SUCLG2: variants seen among roughly 807,000 people sequenced by gnomAD.
SUCLG2 encodes succinate-CoA ligase GDP-forming subunit beta, also known as succinate--CoA ligase [GDP-forming] subunit beta, mitochondrial.
SUCLG2 carries 42 observed loss-of-function variants against 47.9 expected under a neutral mutation model. That is an observed-to-expected ratio of 0.88 (90% CI 0.69 to 1.14). The LOEUF (loss-of-function observed/expected upper bound fraction) is 1.14. Among genes scored for constraint, SUCLG2 ranks in the 50% most tolerant of loss-of-function variants. SUCLG2 has a pLI of 0.00. For missense variants in SUCLG2, 571 were observed against 525.9 expected (o/e 1.09, Z -0.84); for synonymous variants, 195 against 197.3 (o/e 0.99, Z 0.10).
intron 2 of SUCLG2, among the ~76,000 whole-genome samples, chr3:67,594,213 G>A (rs1254215526): frequency 6.6e-6 from 1 of 152,162 alleles, no homozygotes; most frequent in Non-Finnish European, 1.5e-5. Context: ...GCGTTGTTGA[G>A]GCAATACCTA....
chr3:67,433,380 A>G lies in SUCLG2; in HGVS notation c.1063-32529T>C, dbSNP rs144597820. On this transcript the variant is annotated intron_variant, in intron 9 of 10. Coordinates refer to ENST00000307227, the MANE Select transcript of SUCLG2 (RefSeq NM_003848.4). ...AGTTGTGACCTCATCTGTGCTTGCA[A>G]TTGGCTGAAAGGAACCAATTTTATT... Among the ~76,000 whole-genome samples the G allele has an allele frequency of 7.5e-3, 1,147 of 152,194 alleles. 15 individuals are homozygous for G. The highest frequency in any genetic ancestry group is 0.026 in the African/African-American group (1,099 of 41,526).
chr3:67,443,132 T>G (rs1703813659), intron 9 of SUCLG2, among the ~76,000 whole-genome samples: 1 of 152,168 alleles, frequency 6.6e-6, no homozygotes, highest in African/African-American at 2.4e-5. Flanking sequence ...AATCTGGAGA[T>G]GACTTAAACT....
At chr3:67,610,902 C>G (rs1193537374) in intron 1 of SUCLG2, among the ~76,000 whole-genome samples, 1 of 152,112 alleles carries the variant, frequency 6.6e-6, no homozygotes, top group Admixed American at 6.6e-5. Context: ...AAGCTCTATA[C>G]CCCCACTACT....
At chr3:67,441,887 T>C (rs1020422600) in intron 9 of SUCLG2, among the ~76,000 whole-genome samples, 2 of 152,184 alleles carry the variant, frequency 1.3e-5, no homozygotes, top group Non-Finnish European at 2.9e-5. Flanking sequence ...TCCCAAATCT[T>C]ACAGAAAACA....
chr3:67,460,187 G>C (rs985578493), intron 9 of SUCLG2, among the ~76,000 whole-genome samples: 1 of 152,150 alleles, frequency 6.6e-6, no homozygotes, highest in Non-Finnish European at 1.5e-5. Context: ...AATCACTACT[G>C]ATTGAAGTCT....
intron 7 of SUCLG2, among the ~76,000 whole-genome samples, chr3:67,503,697 C>T (rs189886243): frequency 1.0e-3 from 159 of 152,246 alleles, no homozygotes; most frequent in African/African-American, 3.6e-3. Context: ...AAGAAACATA[C>T]CTATTAATAT....
chr3:67,491,914 A>G (rs1207464145), intron 9 of SUCLG2, among the ~76,000 whole-genome samples: 5 of 152,224 alleles, frequency 3.3e-5, no homozygotes, highest in African/African-American at 1.2e-4. Flanking sequence ...ATAAACGAGG[A>G]TACCAAGGCA....
At chr3:67,446,686 C>T (rs1393406550) in intron 9 of SUCLG2, among the ~76,000 whole-genome samples, 1 of 151,652 alleles carries the variant, frequency 6.6e-6, no homozygotes, top group East Asian at 1.9e-4. Flanking sequence ...CCCGCCTCGG[C>T]CTCCCAAAGT....
chr3:67,577,559 CTT>C (rs1318171432), intron 2 of SUCLG2, among the ~76,000 whole-genome samples: 1 of 152,146 alleles, frequency 6.6e-6, no homozygotes, highest in Non-Finnish European at 1.5e-5. Context: ...AAATAAAAGA[CTT>C]TTCATATTAT....
chr3:67,654,161 C>G (rs902156271), intron 1 of SUCLG2, among the ~76,000 whole-genome samples: 11 of 152,242 alleles, frequency 7.2e-5, no homozygotes, highest in Non-Finnish European at 1.5e-5. Flanking sequence ...ACAATAAAAC[C>G]TCAGGGCTCC....
chr3:67,649,574 T>G (rs1176195334), intron 1 of SUCLG2, among the ~76,000 whole-genome samples: 4 of 152,090 alleles, frequency 2.6e-5, no homozygotes. Flanking sequence ...CATACTAAAC[T>G]GCTCACTACA....
intron 9 of SUCLG2, among the ~76,000 whole-genome samples, chr3:67,441,863 C>A (rs1703771985): frequency 6.6e-6 from 1 of 152,168 alleles, no homozygotes; most frequent in African/African-American, 2.4e-5. Context: ...TACTGGCTTC[C>A]CATCTGCTCC....
intron 6 of SUCLG2, among the ~76,000 whole-genome samples, chr3:67,515,645 G>A (rs1273247749): frequency 4.0e-5 from 6 of 151,302 alleles, no homozygotes; most frequent in East Asian, 1.9e-4. Flanking sequence ...TCAAAGTCAC[G>A]TTGAACCTAA....
intron 9 of SUCLG2, among the ~76,000 whole-genome samples, chr3:67,460,885 A>G (rs1346869890): frequency 6.6e-6 from 1 of 152,214 alleles, no homozygotes; most frequent in Admixed American, 6.5e-5. Flanking sequence ...GGCAATGCAA[A>G]CATTCTAGTG....
chr3:67,529,005 C>A (rs907399683), intron 3 of SUCLG2, 82 bp downstream of exon 3: 2 of 1,244,032 alleles, frequency 1.6e-6, no homozygotes, highest in Non-Finnish European at 2.3e-6. Context: ...CCACAACCAA[C>A]CTCAGTGTGC....
intron 9 of SUCLG2, among the ~76,000 whole-genome samples, chr3:67,439,645 A>G (rs924846120): frequency 4.6e-5 from 7 of 152,204 alleles, no homozygotes; most frequent in African/African-American, 1.7e-4. Context: ...TACTAAGGGA[A>G]TAAAATACCT....
intron 8 of SUCLG2, 92 bp downstream of exon 8, chr3:67,498,042 A>T: frequency 1.5e-6 from 2 of 1,336,636 alleles, no homozygotes; most frequent in Non-Finnish European, 2.0e-6. Flanking sequence ...TTATGTGCTT[A>T]CTTCTTCTTG....
At chr3:67,619,556 G>A (rs865932676) in intron 1 of SUCLG2, among the ~76,000 whole-genome samples, 10 of 152,142 alleles carry the variant, frequency 6.6e-5, no homozygotes, top group Middle Eastern at 3.2e-3. Flanking sequence ...GAGCTGTACC[G>A]AATATGAGGT....
At chr3:67,395,650 T>G (rs551375413) in intron 10 of SUCLG2, among the ~76,000 whole-genome samples, 1 of 152,304 alleles carries the variant, frequency 6.6e-6, no homozygotes, top group Admixed American at 6.5e-5. Flanking sequence ...GGAATTGAAC[T>G]CAGCTCTGCA....
Sources: gnomAD v4.1 joint callset for allele counts (sites outside exome capture counted in the v4.1 genomes callset) on GRCh38, gnomAD v4.1.1 for gene constraint, MANE v1.5 for transcripts, NCBI Gene and HGNC (gene_info 2026-07-23, HGNC 2026-07-21) for gene names.